PSMC5: variants seen among roughly 807,000 people sequenced by gnomAD.
PSMC5 encodes the protein 26S proteasome regulatory subunit 8.
PSMC5 carries 11 observed loss-of-function variants against 49.1 expected under a neutral mutation model. The ratio of observed to expected loss-of-function variants is 0.22; its 90% confidence interval spans 0.14 to 0.37. The LOEUF (loss-of-function observed/expected upper bound fraction) is 0.37, where lower values mean the gene tolerates loss of function less well. Ranked by LOEUF, PSMC5 falls within the 10% of genes least tolerant of loss-of-function variation. The pLI, the probability that PSMC5 is intolerant of heterozygous loss-of-function variation, is 1.00. For missense variants in PSMC5, 229 were observed against 520.9 expected, an observed-to-expected ratio of 0.44 and a Z score of 5.45; for synonymous variants, 206 against 192.2, an observed-to-expected ratio of 1.07 and a Z score of -0.59.
In PSMC5 at chr17:63,831,236, T is replaced by C. The variant is rs750940611; in HGVS notation, c.870+10T>C. On this transcript the variant is annotated intron_variant, in intron 8 of 11. Transcript: ENST00000310144. This position sits in a 1 kb window ranked among gnomAD's most constrained non-coding sequence, Gnocchi z 6.3. Reference sequence around the variant, plus strand: ...CACCAAGAACATCAAGGTAAGGTGGTAGCATCCTTGGGATGGGCCCAGGGA... The same window carrying C: ...CACCAAGAACATCAAGGTAAGGTGGCAGCATCCTTGGGATGGGCCCAGGGA... 3.8e-6 allele frequency: 6 copies of C among 1,591,900 alleles called. No homozygotes were observed. Among genetic ancestry groups the C allele is most frequent in the Non-Finnish European group, 4.3e-6 (5 of 1,166,576 alleles).
At chr17:63,829,429 C>A in intron 2 of PSMC5, 65 bp from the exon 3 acceptor site, 1 of 1,483,946 alleles carries the variant, frequency 6.7e-7, no homozygotes, top group Non-Finnish European at 9.2e-7. Flanking sequence ...GAGGTCTTGG[C>A]CAAGATCCTA....
intron 3 of PSMC5, 106 bp downstream of exon 3, chr17:63,829,669 C>T: frequency 2.3e-6 from 3 of 1,278,692 alleles, no homozygotes; most frequent in Non-Finnish European, 2.2e-6. Flanking sequence ...TTCTCCCTGT[C>T]ATCATCTAGT....
chr17:63,831,137 G>C lies in PSMC5; in HGVS notation c.781G>C (p.Gly261Arg). Reference protein sequence around the residue: ...IDSIGSSRLEGGSGGDSEVQR... With the variant: ...IDSIGSSRLERGSGGDSEVQR... ...CTCCATCGGCTCCTCGCGGCTGGAGGGGGGTTCTGGAGGGGACAGTGAAGT... is the reference window on the plus strand; with the variant it reads ...CTCCATCGGCTCCTCGCGGCTGGAGCGGGGTTCTGGAGGGGACAGTGAAGT... The change falls in exon 8 of 12, where the codon GGG (glycine) becomes CGG (arginine). Residue 261 changes from glycine (G) to arginine (R), a missense_variant. Transcript: ENST00000310144. This position sits in a 1 kb window ranked among gnomAD's most constrained non-coding sequence, Gnocchi z 6.3. The C allele has an allele frequency of 6.4e-7, 1 of 1,568,142 alleles. No homozygotes were observed. Among genetic ancestry groups the C allele is most frequent in the Non-Finnish European group, 8.6e-7 (1 of 1,156,400 alleles).
chr17:63,827,911 A>C, intron 1 of PSMC5: 1 of 1,395,098 alleles, frequency 7.2e-7, no homozygotes, highest in Non-Finnish European at 9.4e-7. Flanking sequence ...GGTCCTCCTA[A>C]AAGTCGTATG....
chr17:63,829,378 G>T (rs933242699), intron 2 of PSMC5, 116 bp from the exon 3 acceptor site: 38 of 854,942 alleles, frequency 4.4e-5, no homozygotes, highest in Non-Finnish European at 6.9e-5. Context: ...GAAACAACAT[G>T]CAGGTGCCCT....
rs758174744 is a variant in PSMC5 at position 63,829,547 on chromosome 17, C to T, written c.150C>T (p.Asn50=). The T allele has an allele frequency of 7.7e-6, 12 of 1,554,938 alleles. No homozygotes were observed. The highest frequency in any genetic ancestry group is 5.8e-5 in the Admixed American group (3 of 51,506). Residue 50 remains asparagine (N), a synonymous_variant, in exon 3 of 12, where the codon AAC becomes AAT. Transcript: ENST00000310144. ...QNLRRLQAQR[N]ELNAKVRLLR... is the part of the protein sequence containing the mutation. Reference sequence around the variant, plus strand: ...TCCGGAGGCTGCAGGCACAGAGGAACGAACTAAATGCTAAAGGTGAGTGGA... The same window carrying T: ...TCCGGAGGCTGCAGGCACAGAGGAATGAACTAAATGCTAAAGGTGAGTGGA...
chr17:63,828,777 C>G (rs1461247665), intron 2 of PSMC5: 1 of 155,402 alleles, frequency 6.4e-6, no homozygotes, highest in Non-Finnish European at 1.4e-5. Flanking sequence ...AGTAGTAAGC[C>G]TTACAGACAA....
chr17:63,827,615 C>T (rs2040125303), intron 1 of PSMC5, 101 bp downstream of exon 1: 2 of 1,548,070 alleles, frequency 1.3e-6, no homozygotes, highest in Non-Finnish European at 1.7e-6. Context: ...TCGGGTGGGT[C>T]GGAGGTGCCT....
intron 2 of PSMC5, 189 bp downstream of exon 2, chr17:63,828,398 C>T (rs1024959347): frequency 1.0e-5 from 6 of 582,912 alleles, no homozygotes; most frequent in African/African-American, 9.4e-5. Context: ...CCAGTCCCAT[C>T]TCTTTGAGGG....
At position 63,830,402 on chromosome 17, in the gene PSMC5, T is replaced by C; in HGVS notation, c.453T>C (p.Ile151=). Residue 151 remains isoleucine, a synonymous_variant, in exon 6 of 12, where the codon ATT becomes ATC. Coordinates refer to ENST00000310144, the MANE Select transcript of PSMC5 (RefSeq NM_002805.6). This position sits in a 1 kb window ranked among gnomAD's most constrained non-coding sequence, Gnocchi z 4.0. ...TACCAGATTCAACTTATGAGATGATTGGTGGACTGGACAAACAGATCAAGG... is the reference window on the plus strand; with the variant it reads ...TACCAGATTCAACTTATGAGATGATCGGTGGACTGGACAAACAGATCAAGG... ...EKVPDSTYEM[I]GGLDKQIKEI... The C allele has an allele frequency of 1.9e-6, 3 of 1,614,232 alleles. No individual in the cohort carries two copies. The highest frequency in any genetic ancestry group is 2.2e-5 in the South Asian group (2 of 91,092).
rs753013485 is a variant in PSMC5 at position 63,830,818 on chromosome 17, C to T, written c.562C>T (p.Leu188=). ...LGIAQPKGVL[L]YGPPGTGKTL... ...TGCTGTTCCCCTGTAGGGAGTGCTGCTGTATGGACCTCCAGGCACTGGGAA... is the reference window on the plus strand; with the variant it reads ...TGCTGTTCCCCTGTAGGGAGTGCTGTTGTATGGACCTCCAGGCACTGGGAA... Residue 188 remains leucine (L), a synonymous_variant, in exon 7 of 12, where the codon CTG becomes TTG. Coordinates refer to ENST00000310144, the MANE Select transcript of PSMC5 (RefSeq NM_002805.6). The surrounding 1 kb of genome is among the most constrained non-coding windows in gnomAD (Gnocchi z 4.0). 8 of 1,614,082 alleles carry T rather than the reference C, an allele frequency of 5.0e-6. No homozygotes were observed. In the South Asian group the frequency reaches 7.7e-5, roughly 16 times the overall value.
chr17:63,830,552 C>T lies in PSMC5; in HGVS notation c.552+51C>T. 8.2e-6 allele frequency: 13 copies of T among 1,592,928 alleles called. No homozygotes were observed. The highest frequency in any genetic ancestry group is 1.1e-5 in the Non-Finnish European group (13 of 1,170,908). ...GGCCAAGCTGTACTTACTCCTCCTG[C>T]CCCAGCCAGCCCTACTGCAGGGGTT... On this transcript the variant is annotated intron_variant, in intron 6 of 11. Coordinates refer to ENST00000310144, the MANE Select transcript of PSMC5 (RefSeq NM_002805.6). This position sits in a 1 kb window ranked among gnomAD's most constrained non-coding sequence, Gnocchi z 4.0.
Position 63,830,033 on chromosome 17 carries a change from T to C in PSMC5, c.264+84T>C, listed in dbSNP as rs2040163467. Reference sequence around the variant, plus strand: ...TGTGTAGCCTCGGGAGACAGGGTTCTGTGTTCTGTCAAGGTATTGTGGGAT... The same window carrying C: ...TGTGTAGCCTCGGGAGACAGGGTTCCGTGTTCTGTCAAGGTATTGTGGGAT... On this transcript the variant is annotated intron_variant, in intron 4 of 11. Coordinates refer to ENST00000310144, the MANE Select transcript of PSMC5 (RefSeq NM_002805.6). The surrounding 1 kb of genome is among the most constrained non-coding windows in gnomAD (Gnocchi z 4.0). 6.4e-7 allele frequency: 1 copy of C among 1,564,626 alleles called. No individual in the cohort carries two copies. The highest frequency in any genetic ancestry group is 1.4e-5 in the African/African-American group (1 of 73,834).
chr17:63,829,468 T>C (rs778088189), intron 2 of PSMC5, 26 bp from the exon 3 acceptor site: 27 of 1,550,518 alleles, frequency 1.7e-5, no homozygotes, highest in Non-Finnish European at 2.4e-5. Flanking sequence ...CCTTGAATAA[T>C]GGAATTTGTC....
In PSMC5 at chr17:63,830,243, A is replaced by T; in HGVS notation, c.322-28A>T. On this transcript the variant is annotated intron_variant, in intron 5 of 11. Coordinates refer to ENST00000310144, the MANE Select transcript of PSMC5 (RefSeq NM_002805.6). The surrounding 1 kb of genome is among the most constrained non-coding windows in gnomAD (Gnocchi z 4.0). ...TGGTGGGGTCAGCTCTTACTGTACCACTTCTGAAACTCGCCCCCTTCACCC... is the reference window on the plus strand; with the variant it reads ...TGGTGGGGTCAGCTCTTACTGTACCTCTTCTGAAACTCGCCCCCTTCACCC... 1.2e-6 allele frequency: 2 copies of T among 1,613,948 alleles called. No individual in the cohort carries two copies. Among genetic ancestry groups the T allele is most frequent in the Non-Finnish European group, 8.5e-7 (1 of 1,179,944 alleles).
At position 63,829,946 on chromosome 17, in the gene PSMC5, C is replaced by T. The variant is rs2040162051; in HGVS notation, c.261C>T (p.Val87=). Residue 87 remains valine (V), a synonymous_variant, in exon 4 of 12, where the codon GTC becomes GTT. Coordinates refer to ENST00000310144, the MANE Select transcript of PSMC5 (RefSeq NM_002805.6). Reference sequence around the variant, plus strand: ...CCATGGATAAGAAGAAAGTGTTGGTCAAGGTAAAAGCAGCATGACCCCAGG... The same window carrying T: ...CCATGGATAAGAAGAAAGTGTTGGTTAAGGTAAAAGCAGCATGACCCCAGG... ...VRAMDKKKVL[V]KVHPEGKFVV... The T allele has an allele frequency of 1.2e-6, 2 of 1,608,636 alleles. No individual in the cohort carries two copies. Among genetic ancestry groups the T allele is most frequent in the South Asian group, 1.1e-5 (1 of 90,166 alleles).
Position 63,831,729 on chromosome 17 carries a change from G to C in PSMC5, c.1086G>C (p.Val362=). 1 of 1,614,188 alleles carries C rather than the reference G, an allele frequency of 6.2e-7. No homozygotes were observed. ...PGASGAEVKG[V]CTEAGMYALR... is the part of the protein sequence containing the mutation. ...AATTTCCTTTTCCTGTTCAGGGCGT[G>C]TGCACAGAAGCTGGCATGTATGCCC... The change falls in exon 11 of 12, where the codon GTG becomes GTC. Residue 362 remains valine (V), a synonymous_variant. Transcript: ENST00000310144. This position sits in a 1 kb window ranked among gnomAD's most constrained non-coding sequence, Gnocchi z 6.3.
chr17:63,830,606 G>C lies in PSMC5; in HGVS notation c.552+105G>C. 6.6e-7 allele frequency: 1 copy of C among 1,512,450 alleles called. No individual in the cohort carries two copies. The highest frequency in any genetic ancestry group is 8.8e-7 in the Non-Finnish European group (1 of 1,130,752). The allele number at this position is 1,512,450 out of a possible 1,614,324, so 93.7% of individuals were successfully genotyped here. On this transcript the variant is annotated intron_variant, in intron 6 of 11. Coordinates refer to ENST00000310144, the MANE Select transcript of PSMC5 (RefSeq NM_002805.6). The surrounding 1 kb of genome is among the most constrained non-coding windows in gnomAD (Gnocchi z 4.0). ...GAGGCACCGGGATAGGCTGCATCTTGCTTGGGCTGGCCCTCCCCCTGAAAA... is the reference window on the plus strand; with the variant it reads ...GAGGCACCGGGATAGGCTGCATCTTCCTTGGGCTGGCCCTCCCCCTGAAAA...
Position 63,829,525 on chromosome 17 carries a change from G to T in PSMC5, c.128G>T (p.Arg43Leu), listed in dbSNP as rs750251182. The T allele has an allele frequency of 7.1e-6, 11 of 1,555,702 alleles. No homozygotes were observed. Among genetic ancestry groups the T allele is most frequent in the African/African-American group, 1.4e-5 (1 of 73,174 alleles). ...LIVNDKSQNL[R>L]RLQAQRNELN... ...GTGAATGATAAGAGCCAAAACCTCCGGAGGCTGCAGGCACAGAGGAACGAA... is the reference window on the plus strand; with the variant it reads ...GTGAATGATAAGAGCCAAAACCTCCTGAGGCTGCAGGCACAGAGGAACGAA... Residue 43 changes from arginine to leucine, a missense_variant, in exon 3 of 12, where the codon CGG (arginine) becomes CTG (leucine). Around this residue, in one of 4 missense-constraint regions of PSMC5, gnomAD observed 98 missense variants for 144.0 expected, o/e 0.68. Coordinates refer to ENST00000310144, the MANE Select transcript of PSMC5 (RefSeq NM_002805.6).
Sources: gnomAD v4.1 joint callset for allele counts on GRCh38, gnomAD v4.1.1 for gene constraint, gnomAD v4.1.1 regional missense constraint, Gnocchi (gnomAD v3.1) non-coding constraint, MANE v1.5 for transcripts, NCBI Gene and HGNC (gene_info 2026-07-23, HGNC 2026-07-21) for gene names.